ATP9B: variants seen among roughly 807,000 people sequenced by gnomAD.
ATP9B encodes ATPase phospholipid transporting 9B.
A neutral mutation model predicts 146.1 loss-of-function variants in ATP9B; 110 were observed. That is an observed-to-expected ratio of 0.75 (90% CI 0.65 to 0.88). The LOEUF is 0.88. ATP9B is among the 40% of genes least tolerant of loss of function. The pLI, the probability that ATP9B is intolerant of heterozygous loss-of-function variation, is 0.00. For synonymous variants in ATP9B, 604 were observed against 569.7 expected, an observed-to-expected ratio of 1.06 and a Z score of -0.86; for missense variants, 1,499 against 1,496.4, an observed-to-expected ratio of 1.00 and a Z score of -0.03.
intron 11 of ATP9B, among the ~76,000 whole-genome samples, chr18:79,229,298 A>T (rs1568450199): frequency 6.6e-6 from 1 of 152,204 alleles, no homozygotes; most frequent in Non-Finnish European, 1.5e-5. Flanking sequence ...TGTGGAAATG[A>T]GCAGCTTGTG....
chr18:79,351,757 A>G lies in ATP9B; in HGVS notation c.2903+3561A>G, dbSNP rs573061678. On this transcript the variant is annotated intron_variant, in intron 25 of 29. Coordinates refer to ENST00000426216, the MANE Select transcript of ATP9B (RefSeq NM_198531.5). ...AGGAAGGACTAGGCATACTCAGTGC[A>G]CAGCAGGGAAACCCAGGGAGGGACC... is the stretch of plus-strand genomic sequence containing the variant. 2.6e-5 allele frequency among the ~76,000 whole-genome samples: 4 copies of G among 152,184 alleles called. No individual in the cohort carries two copies. The East Asian group carries it at 7.8e-4, about 30-fold the overall frequency.
intron 2 of ATP9B, among the ~76,000 whole-genome samples, chr18:79,104,709 C>T (rs1599576370): frequency 1.3e-5 from 2 of 151,754 alleles, no homozygotes; most frequent in Non-Finnish European, 1.5e-5. Context: ...GTTAAAACAG[C>T]TTAGTAAAAT....
intron 17 of ATP9B, chr18:79,332,879 G>A (rs1483515681): frequency 6.6e-6 from 1 of 152,182 alleles, no homozygotes; most frequent in East Asian, 1.9e-4. Flanking sequence ...ACAGCTGTTG[G>A]ATGCATAAAG....
chr18:79,179,804 G>A (rs533572649), intron 8 of ATP9B, among the ~76,000 whole-genome samples: 2 of 152,278 alleles, frequency 1.3e-5, no homozygotes, highest in African/African-American at 2.4e-5. Flanking sequence ...ATTAGGTCAA[G>A]CTAATGGAAA....
chr18:79,295,109 C>T (rs2096538247), intron 13 of ATP9B, among the ~76,000 whole-genome samples: 1 of 20,398 alleles, frequency 4.9e-5, no homozygotes, highest in South Asian at 4.9e-3. Flanking sequence ...TACACAGACA[C>T]AGACACACAC....
At chr18:79,345,028 C>T (rs2096878851) in intron 21 of ATP9B, among the ~76,000 whole-genome samples, 1 of 152,220 alleles carries the variant, frequency 6.6e-6, no homozygotes, top group Non-Finnish European at 1.5e-5. Context: ...GTCCTCAGAG[C>T]AAGCACTCCA....
intron 1 of ATP9B, chr18:79,095,574 A>G (rs769456420): frequency 6.6e-6 from 1 of 152,160 alleles, no homozygotes; most frequent in Non-Finnish European, 1.5e-5. Flanking sequence ...GCTGTCTTCT[A>G]TATGGAATTT....
chr18:79,161,089 A>G (rs2094873687), intron 7 of ATP9B, among the ~76,000 whole-genome samples: 1 of 152,142 alleles, frequency 6.6e-6, no homozygotes, highest in Admixed American at 6.6e-5. Context: ...AATTTTGGAA[A>G]TTCTTCCTCA....
intron 24 of ATP9B, 71 bp downstream of exon 24, chr18:79,347,996 G>A (rs2096900093): frequency 3.1e-6 from 5 of 1,604,948 alleles, no homozygotes; most frequent in Non-Finnish European, 2.6e-6. Flanking sequence ...GAAGGGCAGG[G>A]TCCGGGAGTG....
chr18:79,127,824 C>G (rs1175996153), intron 5 of ATP9B, among the ~76,000 whole-genome samples: 2 of 152,170 alleles, frequency 1.3e-5, no homozygotes, highest in Non-Finnish European at 2.9e-5. Context: ...TACATCCCCA[C>G]CAGCAATGGA....
At chr18:79,257,254 C>T (rs1006823933) in intron 12 of ATP9B, among the ~76,000 whole-genome samples, 24 of 152,266 alleles carry the variant, frequency 1.6e-4, no homozygotes, top group South Asian at 1.2e-3. Context: ...GAGCTGAGAC[C>T]GTGCCACTGC....
intron 7 of ATP9B, among the ~76,000 whole-genome samples, chr18:79,160,327 A>G (rs1045113068): frequency 5.3e-5 from 8 of 152,082 alleles, no homozygotes; most frequent in African/African-American, 1.2e-4. Flanking sequence ...GCTTTTGGCA[A>G]TTTTCACTAG....
At position 79,253,417 on chromosome 18, in the gene ATP9B, A is replaced by G. The variant is rs1374153318; in HGVS notation, c.1144A>G (p.Lys382Glu). 6.2e-7 allele frequency: 1 copy of G among 1,612,674 alleles called. No homozygotes were observed. The highest frequency in any genetic ancestry group is 1.7e-5 in the Admixed American group (1 of 59,666). ...LLDLELNRLT[K>E]ALFLALVALS... ...GGACCTTGAACTCAATCGGCTGACG[A>G]AAGCGCTATTTTTGGCTTTAGTTGC... The change falls in exon 12 of 30, where the codon AAA becomes GAA. Residue 382 changes from lysine (K) to glutamate (E), a missense_variant. Lys to Glu is a moderately conservative substitution (Grantham distance 56, BLOSUM62 1). Transcript: ENST00000426216.
chr18:79,077,864 GTT>G (rs1461732557), intron 1 of ATP9B: 1 of 152,222 alleles, frequency 6.6e-6, no homozygotes, highest in African/African-American at 2.4e-5. Context: ...TGGCTGTAAA[GTT>G]TACCTCTGCT....
intron 4 of ATP9B, among the ~76,000 whole-genome samples, chr18:79,113,712 C>G (rs1201614135): frequency 6.6e-6 from 1 of 152,192 alleles, no homozygotes; most frequent in Non-Finnish European, 1.5e-5. Context: ...TTCTGTTACT[C>G]TCTTCACACC....
intron 7 of ATP9B, among the ~76,000 whole-genome samples, chr18:79,168,392 T>TA (rs2095016897): frequency 6.6e-6 from 1 of 151,678 alleles, no homozygotes; most frequent in Non-Finnish European, 1.5e-5. Flanking sequence ...TTTTTTTTTT[T>TA]ACATTTGTGT....
chr18:79,304,412 A>G (rs1013398734), intron 14 of ATP9B, among the ~76,000 whole-genome samples: 1 of 152,196 alleles, frequency 6.6e-6, no homozygotes, highest in Non-Finnish European at 1.5e-5. Flanking sequence ...GGATTTTTTT[A>G]GATTTGGAAT....
intron 12 of ATP9B, among the ~76,000 whole-genome samples, chr18:79,276,831 A>G (rs187086010): frequency 2.8e-4 from 43 of 152,386 alleles, no homozygotes; most frequent in African/African-American, 8.9e-4. Flanking sequence ...AAGATAATGC[A>G]TATTAAAAAA....
At chr18:79,285,883 C>T (rs1030278109) in intron 13 of ATP9B, among the ~76,000 whole-genome samples, 1 of 150,970 alleles carries the variant, frequency 6.6e-6, no homozygotes, top group African/African-American at 2.4e-5. Flanking sequence ...GAATCCTTTC[C>T]CCATTGCTTG....
Sources: gnomAD v4.1 joint callset for allele counts (sites outside exome capture counted in the v4.1 genomes callset) on GRCh38, gnomAD v4.1.1 for gene constraint, MANE v1.5 for transcripts, NCBI Gene and HGNC (gene_info 2026-07-23, HGNC 2026-07-21) for gene names.